Variants in TTC6 observed in about 807,000 individuals in gnomAD.
The protein encoded by TTC6 is tetratricopeptide repeat domain 6.
TTC6 carries 172 observed loss-of-function variants against 210.4 expected under a neutral mutation model. The observed-to-expected ratio is 0.82, with a 90% confidence interval of 0.72 to 0.93. The LOEUF is 0.93. Ranked by LOEUF, TTC6 falls within the 40% of genes least tolerant of loss-of-function variation. The pLI is 0.00. For missense variants in TTC6, 2,414 were observed against 2,318.1 expected, an observed-to-expected ratio of 1.04 and a Z score of -0.85; for synonymous variants, 804 against 819.6, an observed-to-expected ratio of 0.98 and a Z score of 0.32.
intron 16 of TTC6, among the ~76,000 whole-genome samples, chr14:37,791,786 T>C (rs1031866176): frequency 6.6e-6 from 1 of 152,148 alleles, no homozygotes; most frequent in African/African-American, 2.4e-5. Flanking sequence ...ATCAGTTGAT[T>C]TTAAGAGAGA....
intron 14 of TTC6, among the ~76,000 whole-genome samples, chr14:37,756,063 C>A (rs2095966670): frequency 6.6e-6 from 1 of 152,148 alleles, no homozygotes. Flanking sequence ...AGAGGTCCTT[C>A]ATGTCCCTTG....
intron 1 of TTC6, among the ~76,000 whole-genome samples, chr14:37,601,845 C>G (rs1284806720): frequency 6.6e-6 from 1 of 152,154 alleles, no homozygotes; most frequent in East Asian, 1.9e-4. Flanking sequence ...TTCACTTTTC[C>G]TCGCTGTAGA....
chr14:37,729,556 A>G (rs767500691), intron 7 of TTC6, among the ~76,000 whole-genome samples: 26 of 152,148 alleles, frequency 1.7e-4, no homozygotes, highest in Middle Eastern at 3.2e-3. Context: ...GATTGCTTTC[A>G]TGGGCAATTT....
chr14:37,776,043 CTTTTTT>C (rs1163694975), intron 14 of TTC6, among the ~76,000 whole-genome samples: 1 of 26,268 alleles, frequency 3.8e-5, no homozygotes, highest in African/African-American at 1.1e-4. Context: ...GGTCTTGATT[CTTTTTT>C]TTTTTTTTTT....
chr14:37,632,142 C>G (rs545226934), intron 1 of TTC6, among the ~76,000 whole-genome samples: 32 of 152,256 alleles, frequency 2.1e-4, no homozygotes, highest in South Asian at 1.2e-3. Context: ...ATTCTCCGTC[C>G]AGTTTTGTTC....
At chr14:37,638,930 A>C (rs972422357) in intron 1 of TTC6, among the ~76,000 whole-genome samples, 1 of 152,228 alleles carries the variant, frequency 6.6e-6, no homozygotes, top group Non-Finnish European at 1.5e-5. Flanking sequence ...AACTCCCCAG[A>C]CTAACCAATA....
chr14:37,679,092 G>A (rs139916508), intron 1 of TTC6, among the ~76,000 whole-genome samples: 58 of 152,180 alleles, frequency 3.8e-4, no homozygotes, highest in African/African-American at 1.3e-3. Context: ...GTTGTGGTAT[G>A]CACTTTGTAG....
intron 25 of TTC6, among the ~76,000 whole-genome samples, chr14:37,815,442 T>C (rs182123663): frequency 1.3e-5 from 2 of 152,260 alleles, no homozygotes; most frequent in East Asian, 3.9e-4. Context: ...GATCCTCACA[T>C]GCACAGTTCA....
At chr14:37,712,422 C>G (rs970121251) in intron 5 of TTC6, among the ~76,000 whole-genome samples, 3 of 152,170 alleles carry the variant, frequency 2.0e-5, no homozygotes, top group Non-Finnish European at 4.4e-5. Context: ...TAGACCTTCC[C>G]CTGTTCTTTT....
At chr14:37,796,108 A>G (rs1345542825) in intron 18 of TTC6, among the ~76,000 whole-genome samples, 186 bp from the exon 21 acceptor site, 1 of 152,070 alleles carries the variant, frequency 6.6e-6, no homozygotes, top group East Asian at 1.9e-4. Context: ...AAGTTTTCTC[A>G]TCACATCACT....
At chr14:37,842,171 T>C in exon 31 of TTC6, 1 of 1,588,016 alleles carries the variant, frequency 6.3e-7, no homozygotes, top group Non-Finnish European at 8.6e-7. Flanking sequence ...CTTTGAAGCC[T>C]AATGATGCTC....
At chr14:37,821,203 G>T (rs2096156265) in intron 26 of TTC6, among the ~76,000 whole-genome samples, 1 of 152,080 alleles carries the variant, frequency 6.6e-6, no homozygotes, top group Admixed American at 6.6e-5. Context: ...AAGTAGCTGG[G>T]ACTACAGGTG....
chr14:37,837,904 G>GA (rs1220898184), intron 29 of TTC6, among the ~76,000 whole-genome samples: 2 of 152,140 alleles, frequency 1.3e-5, no homozygotes, highest in Admixed American at 6.6e-5. Flanking sequence ...GTGACAGAGA[G>GA]AATTTTAAGA....
chr14:37,751,472 GT>G (rs1313059701), intron 13 of TTC6, among the ~76,000 whole-genome samples: 1 of 152,148 alleles, frequency 6.6e-6, no homozygotes. Flanking sequence ...GAGATAACAT[GT>G]AGGGGGCCCA....
At chr14:37,839,053 T>C (rs2096204294) in intron 29 of TTC6, among the ~76,000 whole-genome samples, 1 of 152,216 alleles carries the variant, frequency 6.6e-6, no homozygotes, top group African/African-American at 2.4e-5. Flanking sequence ...CAATCTATTA[T>C]TGTTGGGGAT....
intron 14 of TTC6, among the ~76,000 whole-genome samples, chr14:37,766,172 C>G (rs1305631597): frequency 6.6e-6 from 1 of 152,048 alleles, no homozygotes; most frequent in African/African-American, 2.4e-5. Flanking sequence ...TTTTCTCTTC[C>G]TTCTGGAACT....
intron 14 of TTC6, among the ~76,000 whole-genome samples, chr14:37,763,476 C>A (rs1323109247): frequency 6.6e-6 from 1 of 152,086 alleles, no homozygotes; most frequent in Non-Finnish European, 1.5e-5. Context: ...AATTCAATTT[C>A]TTCGCTTGAT....
intron 1 of TTC6, among the ~76,000 whole-genome samples, chr14:37,662,352 T>C (rs2095739177): frequency 6.6e-6 from 1 of 152,228 alleles, no homozygotes. Context: ...TTGAGAGTTT[T>C]AAACATGAAG....
intron 14 of TTC6, among the ~76,000 whole-genome samples, chr14:37,787,231 ATAAT>A (rs1176066366): frequency 1.3e-5 from 2 of 152,250 alleles, no homozygotes; most frequent in Non-Finnish European, 2.9e-5. Context: ...TAGTAAGCAT[ATAAT>A]TAATATGTAG....
Sources: gnomAD v4.1 joint callset for allele counts (sites outside exome capture counted in the v4.1 genomes callset) on GRCh38, gnomAD v4.1.1 for gene constraint, MANE v1.5 for transcripts, NCBI Gene and HGNC (gene_info 2026-07-23, HGNC 2026-07-21) for gene names.